The following MSRA variants were observed in gnomAD, a reference collection of about 807,000 sequenced individuals.
MSRA encodes methionine sulfoxide reductase A.
A neutral mutation model predicts 31.3 loss-of-function variants in MSRA; 54 were observed. The observed-to-expected ratio is 1.73, with a 90% CI of 1.39 to 2.17. MSRA has a LOEUF of 2.17. Ranked by LOEUF, MSRA falls within the 30% of genes most tolerant of loss-of-function variation. The probability of loss-of-function intolerance (pLI) is 0.00; values close to 1 mark genes in which losing one functional copy is unlikely to be tolerated. For synonymous variants in MSRA, 169 were observed against 116.5 expected, an observed-to-expected ratio of 1.45 and a Z score of -2.90; for missense variants, 507 against 300.9, an observed-to-expected ratio of 1.69 and a Z score of -5.07.
At chr8:10,149,367 G>A (rs570211969) in intron 1 of MSRA, among the ~76,000 whole-genome samples, 4 of 152,032 alleles carry the variant, frequency 2.6e-5, no homozygotes, top group East Asian at 1.9e-4. Context: ...CAGGTGATCC[G>A]CCCGCCTCGG....
At chr8:10,302,122 A>G (rs946430061) in intron 4 of MSRA, among the ~76,000 whole-genome samples, 3 of 152,244 alleles carry the variant, frequency 2.0e-5, no homozygotes, top group South Asian at 2.1e-4. Context: ...AGTATTCACT[A>G]GGTCCACAAA....
chr8:10,297,557 G>T (rs1253711218), intron 3 of MSRA, among the ~76,000 whole-genome samples: 2 of 152,180 alleles, frequency 1.3e-5, no homozygotes, highest in Non-Finnish European at 2.9e-5. Flanking sequence ...GCTGGTTCCT[G>T]TAAAGTGTGG....
At chr8:10,377,962 C>T (rs2129172967) in intron 5 of MSRA, among the ~76,000 whole-genome samples, 1 of 152,360 alleles carries the variant, frequency 6.6e-6, no homozygotes, top group East Asian at 1.9e-4. Context: ...GCGTGTGACT[C>T]CCACACTGGG....
At chr8:10,289,214 C>G (rs764444702) in intron 3 of MSRA, among the ~76,000 whole-genome samples, 1 of 152,042 alleles carries the variant, frequency 6.6e-6, no homozygotes, top group Non-Finnish European at 1.5e-5. Flanking sequence ...CGGATTTCAC[C>G]ATGTTGGCCA....
At chr8:10,296,804 AC>A (rs1169469007) in intron 3 of MSRA, among the ~76,000 whole-genome samples, 1 of 151,872 alleles carries the variant, frequency 6.6e-6, no homozygotes, top group East Asian at 1.9e-4. Context: ...CCTCTCCCAG[AC>A]CCCGCCAAGG....
intron 5 of MSRA, among the ~76,000 whole-genome samples, chr8:10,365,249 C>T (rs111657410): frequency 1.3e-5 from 2 of 151,768 alleles, no homozygotes; most frequent in Non-Finnish European, 2.9e-5. Context: ...ATTTCCTGAC[C>T]AGCTTGTACC....
intron 1 of MSRA, among the ~76,000 whole-genome samples, chr8:10,196,761 G>A (rs1239096938): frequency 6.6e-6 from 1 of 151,372 alleles, no homozygotes; most frequent in Non-Finnish European, 1.5e-5. Flanking sequence ...TAGTAGAAAT[G>A]GGGTTTCACC....
rs77532437 is a variant in MSRA at position 10,228,059 on chromosome 8, C to T, written c.212-17045C>T. Among the ~76,000 whole-genome samples, 14 of 152,304 alleles carry T rather than the reference C, an allele frequency of 9.2e-5. No individual in the cohort carries two copies. In the South Asian group the frequency reaches 1.9e-3, roughly 20 times the overall value. Reference sequence around the variant, plus strand: ...TTGCTGGATAGCTGACCAGAAGAGACTTACTCCAGGCCACCAAGATGGTGT... The same window carrying T: ...TTGCTGGATAGCTGACCAGAAGAGATTTACTCCAGGCCACCAAGATGGTGT... On this transcript the variant is annotated intron_variant, in intron 2 of 5. Coordinates refer to ENST00000317173, the MANE Select transcript of MSRA (RefSeq NM_012331.5).
chr8:10,256,149 C>G (rs1421563007), intron 3 of MSRA, among the ~76,000 whole-genome samples: 1 of 152,196 alleles, frequency 6.6e-6, no homozygotes, highest in Non-Finnish European at 1.5e-5. Context: ...CCCCCCAACC[C>G]CTGGCAACTG....
At chr8:10,127,336 A>G (rs1365437406) in intron 1 of MSRA, among the ~76,000 whole-genome samples, 5 of 152,208 alleles carry the variant, frequency 3.3e-5, no homozygotes, top group African/African-American at 1.2e-4. Context: ...GGTACGGACT[A>G]TGTTCAATTT....
chr8:10,386,261 A>G (rs1806385410), intron 5 of MSRA, among the ~76,000 whole-genome samples: 1 of 152,222 alleles, frequency 6.6e-6, no homozygotes, highest in Non-Finnish European at 1.5e-5. Flanking sequence ...TGGAAGAAAC[A>G]TTGGAATCTA....
At chr8:10,293,424 G>A (rs950700790) in intron 3 of MSRA, among the ~76,000 whole-genome samples, 2 of 152,160 alleles carry the variant, frequency 1.3e-5, no homozygotes, top group Admixed American at 6.5e-5. Flanking sequence ...TGCGTCTGAC[G>A]TCCCGGTATG....
At chr8:10,196,613 A>G (rs1808011970) in intron 1 of MSRA, among the ~76,000 whole-genome samples, 1 of 152,082 alleles carries the variant, frequency 6.6e-6, no homozygotes, top group South Asian at 2.1e-4. Flanking sequence ...GCAGTGGTGC[A>G]ATCTCGACTC....
chr8:10,224,126 G>A (rs1462384561), intron 2 of MSRA, among the ~76,000 whole-genome samples: 3 of 152,142 alleles, frequency 2.0e-5, no homozygotes, highest in South Asian at 2.1e-4. Context: ...GTGGTGATGC[G>A]CACATCATAG....
chr8:10,117,792 G>C (rs534490514), intron 1 of MSRA, among the ~76,000 whole-genome samples: 19 of 152,280 alleles, frequency 1.2e-4, no homozygotes, highest in African/African-American at 3.6e-4. Context: ...TGATGAACCA[G>C]TTAGGAAATA....
intron 5 of MSRA, among the ~76,000 whole-genome samples, chr8:10,424,933 G>A (rs1366901279): frequency 6.6e-6 from 1 of 152,244 alleles, no homozygotes; most frequent in Admixed American, 6.5e-5. Context: ...CAGGGGGGCT[G>A]CGAAGCCCAC....
At chr8:10,259,105 GAA>G (rs374191943) in intron 3 of MSRA, among the ~76,000 whole-genome samples, 2 of 135,040 alleles carry the variant, frequency 1.5e-5, no homozygotes, top group Non-Finnish European at 1.6e-5. Context: ...TCTGTCAAAG[GAA>G]AAAAAAAAAA....
intron 5 of MSRA, among the ~76,000 whole-genome samples, chr8:10,352,219 G>A (rs930055866): frequency 4.6e-5 from 7 of 152,176 alleles, no homozygotes; most frequent in African/African-American, 7.2e-5. Flanking sequence ...GGTTCAGTTC[G>A]TGTAGTGAAT....
chr8:10,205,333 AG>A (rs1808865508), intron 1 of MSRA, among the ~76,000 whole-genome samples: 1 of 152,010 alleles, frequency 6.6e-6, no homozygotes, highest in African/African-American at 2.4e-5. Flanking sequence ...AGGTGTCTGG[AG>A]GGGGACAGTC....
Sources: gnomAD v4.1 joint callset for allele counts (sites outside exome capture counted in the v4.1 genomes callset) on GRCh38, gnomAD v4.1.1 for gene constraint, MANE v1.5 for transcripts, NCBI Gene and HGNC (gene_info 2026-07-23, HGNC 2026-07-21) for gene names.